The following SLC1A3 variants were observed in gnomAD, a reference collection of about 807,000 sequenced individuals.
The protein encoded by SLC1A3 is excitatory amino acid transporter 1.
Under a neutral mutation model 48.1 loss-of-function variants are expected in SLC1A3, and 21 were observed. That is an observed-to-expected ratio of 0.44 (90% CI 0.31 to 0.63). SLC1A3 has a LOEUF of 0.63. Ranked by LOEUF, SLC1A3 falls within the 20% of genes least tolerant of loss-of-function variation. The pLI, the probability that SLC1A3 is intolerant of heterozygous loss-of-function variation, is 0.08. For synonymous variants in SLC1A3, 239 were observed against 251.4 expected (o/e 0.95, Z 0.47); for missense variants, 546 against 689.0 (o/e 0.79, Z 2.32).
At chr5:36,660,133 G>A (rs1741445101) in intron 3 of SLC1A3, among the ~76,000 whole-genome samples, 1 of 152,024 alleles carries the variant, frequency 6.6e-6, no homozygotes, top group Non-Finnish European at 1.5e-5. Context: ...TACCAATTGT[G>A]TTTGTTCCAA....
intron 3 of SLC1A3, among the ~76,000 whole-genome samples, chr5:36,655,119 C>T (rs568108197): frequency 2.1e-4 from 32 of 152,212 alleles, no homozygotes; most frequent in African/African-American, 5.3e-4. Flanking sequence ...GGTGAGCTCA[C>T]GGGGAATCAT....
intron 8 of SLC1A3, among the ~76,000 whole-genome samples, chr5:36,681,989 A>C (rs1354313701): frequency 1.3e-5 from 2 of 152,160 alleles, no homozygotes; most frequent in African/African-American, 4.8e-5. Flanking sequence ...ACGTTTTGCC[A>C]TTTTTGCTTC....
intron 3 of SLC1A3, among the ~76,000 whole-genome samples, chr5:36,643,677 A>G (rs1366012995): frequency 6.6e-6 from 1 of 152,116 alleles, no homozygotes; most frequent in Non-Finnish European, 1.5e-5. Context: ...TGCTCTAAAT[A>G]AGCACTCTGA....
chr5:36,641,886 A>G (rs957659431), intron 3 of SLC1A3, among the ~76,000 whole-genome samples: 2 of 152,250 alleles, frequency 1.3e-5, no homozygotes, highest in African/African-American at 4.8e-5. Context: ...TAAAAGTAAA[A>G]TTATAAGCAT....
chr5:36,605,581 A>T (rs1379750279), upstream of SLC1A3, among the ~76,000 whole-genome samples: 6 of 152,224 alleles, frequency 3.9e-5, no homozygotes, highest in Non-Finnish European at 7.3e-5. Context: ...CATATTTTGC[A>T]TGGGGAATAT....
intron 3 of SLC1A3, among the ~76,000 whole-genome samples, chr5:36,634,005 G>A (rs867232662): frequency 6.6e-6 from 1 of 152,200 alleles, no homozygotes. Context: ...GCTGGGCGTC[G>A]TGGCTCATGC....
At chr5:36,602,347 T>C (rs1738818422), upstream of SLC1A3, among the ~76,000 whole-genome samples, 1 of 152,172 alleles carries the variant, frequency 6.6e-6, no homozygotes, top group African/African-American at 2.4e-5. Context: ...TAGAGTAGAA[T>C]AGACCTCAAA....
In SLC1A3 at chr5:36,687,216, G is replaced by A. The variant is rs902320664; in HGVS notation, c.*947G>A. On this transcript the variant is annotated 3_prime_UTR_variant, in exon 10 of 10. Coordinates refer to ENST00000265113, the MANE Select transcript of SLC1A3 (RefSeq NM_004172.5). ...CCTTCTTTCCTACTCTGGGAAGAAT[G>A]TCTCCTGCCACTCCTCAACTGATGA... The A allele has an allele frequency of 2.6e-5, 4 of 151,816 alleles. No individual in the cohort carries two copies. The highest frequency in any genetic ancestry group is 4.4e-5 in the Non-Finnish European group (3 of 68,040). The allele number at this position is 151,816 out of a possible 1,614,324, so 9.4% of individuals were successfully genotyped here. A position where few individuals can be genotyped will look rare whatever the true frequency, so the allele number is the denominator to read the frequency against.
chr5:36,643,049 A>T (rs1740682897), intron 3 of SLC1A3, among the ~76,000 whole-genome samples: 1 of 152,200 alleles, frequency 6.6e-6, no homozygotes, highest in East Asian at 1.9e-4. Context: ...ATGGAATATT[A>T]TCCATTCATT....
intron 3 of SLC1A3, among the ~76,000 whole-genome samples, chr5:36,670,512 A>G (rs1429474365): frequency 6.6e-6 from 1 of 152,252 alleles, no homozygotes. Context: ...ACATCAAAAA[A>G]GAATCCCAAA....
chr5:36,656,850 T>TC (rs1326141766), intron 3 of SLC1A3, among the ~76,000 whole-genome samples: 3 of 152,336 alleles, frequency 2.0e-5, no homozygotes, highest in African/African-American at 7.2e-5. Context: ...TTACTATACT[T>TC]CAAGGGCTGT....
chr5:36,667,925 CATTA>C (rs1436284545), intron 3 of SLC1A3: 4 of 152,198 alleles, frequency 2.6e-5, no homozygotes, highest in African/African-American at 9.7e-5. Context: ...TAGTCAAGAT[CATTA>C]TCTTTACCAC....
At chr5:36,604,916 G>C (rs1313970953), upstream of SLC1A3, among the ~76,000 whole-genome samples, 4 of 140,714 alleles carry the variant, frequency 2.8e-5, no homozygotes, top group African/African-American at 5.2e-5. Flanking sequence ...TGGGGGGGGG[G>C]GGTGTGCAAA....
intron 3 of SLC1A3, among the ~76,000 whole-genome samples, chr5:36,645,416 T>C (rs928974418): frequency 2.3e-5 from 3 of 130,202 alleles, no homozygotes; most frequent in Non-Finnish European, 4.7e-5. Flanking sequence ...AACCTCCGCC[T>C]CCCAGGTTCA....
intron 4 of SLC1A3, 24 bp downstream of exon 4, chr5:36,671,257 T>C (rs915479066): frequency 1.1e-5 from 17 of 1,576,864 alleles, no homozygotes; most frequent in Admixed American, 1.0e-4. Context: ...AGCCCGTCCT[T>C]TGGGGTGTAT....
At chr5:36,681,374 C>T (rs1172882578) in intron 8 of SLC1A3, among the ~76,000 whole-genome samples, 1 of 152,120 alleles carries the variant, frequency 6.6e-6, no homozygotes, top group Non-Finnish European at 1.5e-5. Context: ...TTAGATTATA[C>T]TTCAATTTTT....
chr5:36,612,036 G>T (rs1336793471), intron 2 of SLC1A3, among the ~76,000 whole-genome samples: 3 of 152,060 alleles, frequency 2.0e-5, no homozygotes, highest in African/African-American at 7.2e-5. Flanking sequence ...CAGTAAACTA[G>T]CAGCTTTCTC....
At chr5:36,625,716 A>T (rs959125666) in intron 2 of SLC1A3, among the ~76,000 whole-genome samples, 1 of 152,178 alleles carries the variant, frequency 6.6e-6, no homozygotes, top group African/African-American at 2.4e-5. Flanking sequence ...CTCTCTTCAA[A>T]ACTTTTGACC....
rs189814614 is a variant in SLC1A3 at position 36,662,524 on chromosome 5, T to C, written c.320-8505T>C. On this transcript the variant is annotated intron_variant, in intron 3 of 9. Transcript: ENST00000265113. The stretch of plus-strand genomic sequence containing the variant: ...TCCCGCTCGCCTCTCCCTCTTGCTC[T>C]GCTTAGCACACATAAAGAAGATGAA... Among the ~76,000 whole-genome samples the C allele has an allele frequency of 2.0e-3, 306 of 152,324 alleles. 1 individual carries two copies. Among genetic ancestry groups the C allele is most frequent in the Admixed American group, 7.5e-3 (114 of 15,294 alleles).
Sources: allele counts gnomAD v4.1 joint callset (sites outside exome capture counted in the v4.1 genomes callset), GRCh38; gene constraint gnomAD v4.1.1; transcripts MANE v1.5; gene names NCBI Gene and HGNC (gene_info 2026-07-23, HGNC 2026-07-21).